Variants in MYO5B observed in about 807,000 individuals in gnomAD.
The protein encoded by MYO5B is myosin VB, also known as unconventional myosin-Vb.
Under a neutral mutation model 229.3 loss-of-function variants are expected in MYO5B, and 143 were observed. The observed-to-expected ratio is 0.62, with a 90% CI of 0.54 to 0.72. MYO5B has a LOEUF of 0.72. Ranked by LOEUF, MYO5B falls within the 30% of genes least tolerant of loss-of-function variation. The pLI is 0.00. For synonymous variants in MYO5B, 918 were observed against 885.2 expected (o/e 1.04, Z -0.66); for missense variants, 2,321 against 2,331.0 (o/e 1.00, Z 0.09).
chr18:50,086,665 A>G (rs1012497007), intron 1 of MYO5B, among the ~76,000 whole-genome samples: 1 of 152,224 alleles, frequency 6.6e-6, no homozygotes, highest in African/African-American at 2.4e-5. Flanking sequence ...TAATTTCCAC[A>G]TTTGTGGAAA....
rs1390296872 is a variant in MYO5B at position 50,010,389 on chromosome 18, C to T, written c.456-8978G>A. 2.6e-5 allele frequency among the ~76,000 whole-genome samples: 4 copies of T among 152,202 alleles called. No homozygotes were observed. In the East Asian group the frequency reaches 5.8e-4, roughly 22 times the overall value. On this transcript the variant is annotated intron_variant, in intron 4 of 39. Transcript: ENST00000285039. ...AGAACCCGGGGAGTGCCACCCAGCC[C>T]ACCCCATCGTGGGCAGACAGGCCAG...
At chr18:50,182,544 A>C (rs891599083) in intron 1 of MYO5B, among the ~76,000 whole-genome samples, 1 of 152,270 alleles carries the variant, frequency 6.6e-6, no homozygotes, top group East Asian at 1.9e-4. Context: ...AACACAAGGC[A>C]GTTAAATTAA....
At chr18:50,125,708 T>C (rs972877531) in intron 1 of MYO5B, among the ~76,000 whole-genome samples, 16 of 152,164 alleles carry the variant, frequency 1.1e-4, no homozygotes, top group African/African-American at 3.6e-4. Context: ...CAGATAGCTG[T>C]ATACCAAGTT....
At chr18:50,025,972 T>C (rs895648677) in intron 4 of MYO5B, among the ~76,000 whole-genome samples, 5 of 152,234 alleles carry the variant, frequency 3.3e-5, no homozygotes, top group African/African-American at 4.8e-5. Flanking sequence ...ATATTATGCA[T>C]AGTATAAAAC....
intron 9 of MYO5B, among the ~76,000 whole-genome samples, chr18:49,978,993 C>T (rs773274045): frequency 6.6e-6 from 1 of 152,160 alleles, no homozygotes; most frequent in Admixed American, 6.5e-5. Flanking sequence ...GAGCTGTATG[C>T]ATGGGGAGGC....
At chr18:50,146,361 G>T (rs2032502469) in intron 1 of MYO5B, among the ~76,000 whole-genome samples, 1 of 152,230 alleles carries the variant, frequency 6.6e-6, no homozygotes, top group African/African-American at 2.4e-5. Context: ...TCCTACATGG[G>T]ACATTGTGGC....
chr18:49,956,870 C>A (rs905955359), intron 12 of MYO5B, among the ~76,000 whole-genome samples: 3 of 152,022 alleles, frequency 2.0e-5, no homozygotes, highest in Admixed American at 6.5e-5. Context: ...CCAGAATAGG[C>A]AAATCCATAC....
intron 39 of MYO5B, among the ~76,000 whole-genome samples, chr18:49,828,355 CATTAT>C (rs1420893040): frequency 2.0e-5 from 3 of 152,112 alleles, no homozygotes; most frequent in Non-Finnish European, 1.5e-5. Flanking sequence ...CAAAGAAGGA[CATTAT>C]ATTTTAATAA....
At chr18:49,974,800 C>G (rs377693497) in intron 9 of MYO5B, among the ~76,000 whole-genome samples, 185 bp from the exon 10 acceptor site, 94 of 75,498 alleles carry the variant, frequency 1.2e-3, no homozygotes, top group Middle Eastern at 7.1e-3. Flanking sequence ...CACACACAGA[C>G]ACACACACAC....
At position 49,933,103 on chromosome 18, in the gene MYO5B, G is replaced by A. The variant is rs533623342; in HGVS notation, c.2003+3149C>T. Among the ~76,000 whole-genome samples the A allele has an allele frequency of 5.9e-5, 9 of 152,222 alleles. No individual in the cohort carries two copies. The South Asian group carries it at 1.2e-3, about 21-fold the overall frequency. The stretch of plus-strand genomic sequence containing the variant: ...CCGAGCCCTACCTCCACAATTGCCC[G>A]CCATGGAATTGATTTCTCCATGGGC... On this transcript the variant is annotated intron_variant, in intron 16 of 39. Coordinates refer to ENST00000285039, the MANE Select transcript of MYO5B (RefSeq NM_001080467.3).
chr18:50,069,222 T>C (rs2030895011), intron 1 of MYO5B, among the ~76,000 whole-genome samples: 4 of 152,094 alleles, frequency 2.6e-5, no homozygotes, highest in Admixed American at 1.3e-4. Context: ...AACATACCCC[T>C]TATTGGCCAT....
intron 28 of MYO5B, 144 bp from the exon 29 acceptor site, chr18:49,863,471 G>A: frequency 1.4e-6 from 1 of 731,424 alleles, no homozygotes; most frequent in Admixed American, 2.1e-5. Context: ...ACCCACGCCA[G>A]GAACATGACT....
intron 10 of MYO5B, among the ~76,000 whole-genome samples, chr18:49,965,484 C>CACACACACACACACA (rs3221123): frequency 6.7e-6 from 1 of 148,758 alleles, no homozygotes; most frequent in African/African-American, 2.5e-5. Context: ...CACACACACA[C>CACACACACACACACA]CTCTTCTCAT....
intron 4 of MYO5B, among the ~76,000 whole-genome samples, chr18:50,007,828 G>T (rs1015744359): frequency 2.6e-5 from 4 of 152,180 alleles, no homozygotes; most frequent in African/African-American, 9.7e-5. Flanking sequence ...AATGGTTTAT[G>T]AGACTCTTAG....
At chr18:49,909,715 C>T (rs1469334046) in intron 18 of MYO5B, among the ~76,000 whole-genome samples, 3 of 152,120 alleles carry the variant, frequency 2.0e-5, no homozygotes, top group African/African-American at 7.2e-5. Context: ...GTGCTGCTGG[C>T]CCATAGAAGA....
chr18:49,856,739 G>C, intron 30 of MYO5B, 74 bp downstream of exon 30: 1 of 1,316,088 alleles, frequency 7.6e-7, no homozygotes, highest in Non-Finnish European at 1.1e-6. Context: ...CACTGTAGCT[G>C]AAAAACGGTT....
chr18:50,067,508 A>C (rs1277323420), intron 1 of MYO5B, among the ~76,000 whole-genome samples: 2 of 152,190 alleles, frequency 1.3e-5, no homozygotes, highest in Non-Finnish European at 2.9e-5. Flanking sequence ...GTTGAAATTC[A>C]ATCCCCAATA....
At chr18:49,869,855 C>T (rs11659330) in intron 27 of MYO5B, among the ~76,000 whole-genome samples, 36,496 of 151,940 alleles carry the variant, frequency 0.24, 4,529 homozygotes, top group East Asian at 0.41. Flanking sequence ...CCAGCAAGCT[C>T]AGTGATGCTG....
intron 14 of MYO5B, among the ~76,000 whole-genome samples, chr18:49,938,510 C>T (rs2025275888): frequency 6.6e-6 from 1 of 152,136 alleles, no homozygotes; most frequent in Non-Finnish European, 1.5e-5. Context: ...CAATTCCAAT[C>T]TCAACAGAAG....
Sources: gnomAD v4.1 joint callset for allele counts (sites outside exome capture counted in the v4.1 genomes callset) on GRCh38, gnomAD v4.1.1 for gene constraint, MANE v1.5 for transcripts, NCBI Gene and HGNC (gene_info 2026-07-23, HGNC 2026-07-21) for gene names.